Variants in ADAMTSL4 observed in about 807,000 individuals in gnomAD.
ADAMTSL4 encodes ADAMTS-like protein 4.
In ADAMTSL4, 97 loss-of-function variants were observed where a neutral mutation model predicts 122.8. That is an observed-to-expected ratio of 0.79 (90% CI 0.67 to 0.93). The LOEUF (loss-of-function observed/expected upper bound fraction) is 0.93. Among genes scored for constraint, ADAMTSL4 ranks in the 40% least tolerant of loss-of-function variants. The pLI is 0.00. For missense variants in ADAMTSL4, 1,408 were observed against 1,453.5 expected, an observed-to-expected ratio of 0.97 and a Z score of 0.51; for synonymous variants, 592 against 568.0, an observed-to-expected ratio of 1.04 and a Z score of -0.60.
chr1:150,560,334 G>A lies in ADAMTSL4; in HGVS notation c.*138G>A. Reference sequence around the variant, plus strand: ...TCCAGGTGACAGAGGGTGGCAAGGTGACTGACACAAAGTGACTTTCAGGGC... The same window carrying A: ...TCCAGGTGACAGAGGGTGGCAAGGTAACTGACACAAAGTGACTTTCAGGGC... On this transcript the variant is annotated 3_prime_UTR_variant, in exon 19 of 19. Coordinates refer to ENST00000271643, the MANE Select transcript of ADAMTSL4 (RefSeq NM_019032.6). The A allele has an allele frequency of 7.3e-7, 1 of 1,369,596 alleles. No individual in the cohort carries two copies. Among genetic ancestry groups the A allele is most frequent in the Non-Finnish European group, 9.9e-7 (1 of 1,011,596 alleles). 84.8% of individuals were successfully genotyped at this position (1,369,596 alleles called of 1,614,324 possible). A position where few individuals can be genotyped will look rare whatever the true frequency, so the allele number is the denominator to read the frequency against.
At chr1:150,555,882 C>T (rs587658273) in intron 8 of ADAMTSL4, 3 of 604,194 alleles carry the variant, frequency 5.0e-6, no homozygotes, top group East Asian at 5.6e-5. Flanking sequence ...CACACATGCA[C>T]ACACACGTAT....
Position 150,558,157 on chromosome 1 carries a change from T to C in ADAMTSL4, c.2382+8T>C. ...GGCTCTCCTTGGAGCCAGGTGAGTTTGCCCAGGCAAGGAGGTGCTGGGGAG... is the reference window on the plus strand; with the variant it reads ...GGCTCTCCTTGGAGCCAGGTGAGTTCGCCCAGGCAAGGAGGTGCTGGGGAG... On this transcript the variant is annotated splice_region_variant and intron_variant, in intron 14 of 18. Coordinates refer to ENST00000271643, the MANE Select transcript of ADAMTSL4 (RefSeq NM_019032.6). 1 of 1,613,314 alleles carries C rather than the reference T, an allele frequency of 6.2e-7. No homozygotes were observed. Among genetic ancestry groups the C allele is most frequent in the Non-Finnish European group, 8.5e-7 (1 of 1,179,968 alleles).
Position 150,560,176 on chromosome 1 carries a change from T to C in ADAMTSL4, c.3205T>C (p.Ser1069Pro), listed in dbSNP as rs746901103. 1.2e-6 allele frequency: 2 copies of C among 1,613,988 alleles called. No individual in the cohort carries two copies. The highest frequency in any genetic ancestry group is 2.2e-5 in the South Asian group (2 of 91,080). Reference protein sequence around the residue: ...CRSCAHVLERSPQDPS With the variant: ...CRSCAHVLERPPQDPS The stretch of plus-strand genomic sequence containing the variant: ...CTCTTGCGCACATGTCCTGGAGCGG[T>C]CTCCCCAGGATCCCTCCTGAAAGGG... Residue 1069 changes from serine (S) to proline (P), a missense_variant, in exon 19 of 19, where the codon TCT becomes CCT. Transcript: ENST00000271643.
Position 150,556,850 on chromosome 1 carries a change from C to A in ADAMTSL4, c.1749+57C>A. 3 of 1,494,658 alleles carry A rather than the reference C, an allele frequency of 2.0e-6. No individual in the cohort carries two copies. Among genetic ancestry groups the A allele is most frequent in the Non-Finnish European group, 2.8e-6 (3 of 1,075,752 alleles). 92.6% of individuals were successfully genotyped at this position (1,494,658 alleles called of 1,614,324 possible). A position where few individuals can be genotyped will look rare whatever the true frequency, so the allele number is the denominator to read the frequency against. On this transcript the variant is annotated intron_variant, in intron 10 of 18. Coordinates refer to ENST00000271643, the MANE Select transcript of ADAMTSL4 (RefSeq NM_019032.6). This position sits in a 1 kb window ranked among gnomAD's most constrained non-coding sequence, Gnocchi z 4.1. ...GGGGAGGGAGGCTGTTCCCTCTGGG[C>A]AGAGCTGTGGTTGTCAAGATGGGAG...
Position 150,553,031 on chromosome 1 carries a change from G to A in ADAMTSL4, c.212G>A (p.Cys71Tyr). The A allele has an allele frequency of 1.2e-6, 2 of 1,613,362 alleles. No individual in the cohort carries two copies. Among genetic ancestry groups the A allele is most frequent in the Non-Finnish European group, 8.5e-7 (1 of 1,179,900 alleles). Residue 71 changes from cysteine (C) to tyrosine (Y), a missense_variant, in exon 5 of 19, where the codon TGT becomes TAT. Cys to Tyr is a radical substitution (Grantham distance 194, BLOSUM62 -2). Transcript: ENST00000271643. The stretch of plus-strand genomic sequence containing the variant: ...GGGGTGCAGCGCAGGAGCCGGACAT[G>A]TCAGCTCCCTACAGTGCAGCTCCAC... ...GVGVQRRSRT[C>Y]QLPTVQLHPS...
chr1:150,557,821 G>A (rs1294451734), intron 13 of ADAMTSL4, 124 bp from the exon 14 acceptor site: 7 of 1,389,518 alleles, frequency 5.0e-6, no homozygotes, highest in African/African-American at 2.9e-5. Flanking sequence ...GACTCCAAAC[G>A]CCAAACGTGC....
chr1:150,557,086 G>T lies in ADAMTSL4; in HGVS notation c.1861+36G>T, dbSNP rs1032671638. 1.9e-6 allele frequency: 3 copies of T among 1,612,908 alleles called. No individual in the cohort carries two copies. The Admixed American group carries it at 5.0e-5, about 27-fold the overall frequency. ...GACCCCTGCACTTGGAAGGAGGAGG[G>T]AGAGGCTGCAGGGCTGGCTCGGGGC... On this transcript the variant is annotated intron_variant, in intron 11 of 18. Coordinates refer to ENST00000271643, the MANE Select transcript of ADAMTSL4 (RefSeq NM_019032.6).
In ADAMTSL4 at chr1:150,556,694, C is replaced by A; in HGVS notation, c.1650C>A (p.Ala550=). Residue 550 remains alanine, a synonymous_variant, in exon 10 of 19, where the codon GCC becomes GCA. Coordinates refer to ENST00000271643, the MANE Select transcript of ADAMTSL4 (RefSeq NM_019032.6). The surrounding 1 kb of genome is among the most constrained non-coding windows in gnomAD (Gnocchi z 4.1). The stretch of plus-strand genomic sequence containing the variant: ...TGGATCCCCCTGGGTCCTACAGGGC[C>A]GGCGGGACCGTCTTTCGATATAACC... ...WAVDPPGSYR[A]GGTVFRYNRP... 1 of 1,613,972 alleles carries A rather than the reference C, an allele frequency of 6.2e-7. No individual in the cohort carries two copies. The highest frequency in any genetic ancestry group is 8.5e-7 in the Non-Finnish European group (1 of 1,179,984).
rs1672096945 is a variant in ADAMTSL4 at position 150,556,226 on chromosome 1, G to A, written c.1436G>A (p.Gly479Asp). ...CCTGATGGCTGTGGAGTCTGTGGGGGTGATGATTCTACCTGTCGCCTTGTT... is the reference window on the plus strand; with the variant it reads ...CCTGATGGCTGTGGAGTCTGTGGGGATGATGATTCTACCTGTCGCCTTGTT... The part of the protein sequence containing the change: ...RRPDGCGVCG[G>D]DDSTCRLVSG... Residue 479 changes from glycine (G) to aspartate (D), a missense_variant, in exon 9 of 19, where the codon GGT becomes GAT. Gly to Asp is a moderately conservative substitution (Grantham distance 94). Transcript: ENST00000271643. The surrounding 1 kb of genome is among the most constrained non-coding windows in gnomAD (Gnocchi z 4.1). 2 of 1,614,220 alleles carry A rather than the reference G, an allele frequency of 1.2e-6. No individual in the cohort carries two copies. Among genetic ancestry groups the A allele is most frequent in the Non-Finnish European group, 1.7e-6 (2 of 1,180,044 alleles).
chr1:150,558,482 C>T lies in ADAMTSL4; in HGVS notation c.2392C>T (p.Arg798Trp), dbSNP rs763279620. The part of the protein sequence containing the change: ...VGSPWSQCSV[R>W]CGRGQRSRQV... ...CCCCTCGCCCCCTCAGTGCTCCGTG[C>T]GGTGCGGCCGGGGCCAGAGAAGCCG... Residue 798 changes from arginine to tryptophan, a missense_variant, in exon 15 of 19, where the codon CGG becomes TGG. By Grantham distance (101) the Arg-to-Trp change is moderately radical. Transcript: ENST00000271643. 185 of 1,613,442 alleles carry T rather than the reference C, an allele frequency of 1.1e-4. No individual in the cohort carries two copies. The Middle Eastern group carries it at 2.3e-3, about 20-fold the overall frequency.
rs1286378731 is a variant in ADAMTSL4, at chr1:150,554,469, T to C, written c.1234+2T>C. ...ATCAGTGGGAGCCCTTCACTGAAGG[T>C]GAGGTTTCTTGCTCACCCCTGGGCA... On this transcript the variant is annotated splice_donor_variant, in intron 7 of 18. Coordinates refer to ENST00000271643, the MANE Select transcript of ADAMTSL4 (RefSeq NM_019032.6). LOFTEE classifies it high-confidence loss of function. The surrounding 1 kb of genome is among the most constrained non-coding windows in gnomAD (Gnocchi z 4.0). The C allele has an allele frequency of 6.2e-7, 1 of 1,613,882 alleles. No homozygotes were observed. The highest frequency in any genetic ancestry group is 8.5e-7 in the Non-Finnish European group (1 of 1,179,922).
At position 150,554,358 on chromosome 1, in the gene ADAMTSL4, A is replaced by G. The variant is rs745659924; in HGVS notation, c.1132-7A>G. 1.2e-6 allele frequency: 2 copies of G among 1,610,858 alleles called. No individual in the cohort carries two copies. The highest frequency in any genetic ancestry group is 1.3e-5 in the African/African-American group (1 of 74,440). On this transcript the variant is annotated splice_polypyrimidine_tract_variant and splice_region_variant and intron_variant, in intron 6 of 18. Transcript: ENST00000271643. The surrounding 1 kb of genome is among the most constrained non-coding windows in gnomAD (Gnocchi z 4.0). ...CAGCTCTGACTCCTTTGTACCCCTCACCGCAGCCCTGCCCCCCTGAGCAGC... is the reference window on the plus strand; with the variant it reads ...CAGCTCTGACTCCTTTGTACCCCTCGCCGCAGCCCTGCCCCCCTGAGCAGC...
intron 2 of ADAMTSL4, chr1:150,550,109 G>C (rs1671243212): frequency 7.3e-6 from 3 of 408,368 alleles, no homozygotes; most frequent in South Asian, 5.3e-5. Flanking sequence ...TGAGCCCTGC[G>C]CAGGTCTCTG....
chr1:150,555,052 C>T (rs1007318345), intron 7 of ADAMTSL4, among the ~76,000 whole-genome samples: 7 of 150,930 alleles, frequency 4.6e-5, no homozygotes, highest in African/African-American at 1.5e-4. Flanking sequence ...TACAGTGGCA[C>T]GATCTCAGCT....
intron 2 of ADAMTSL4, chr1:150,550,995 T>A (rs1353708096): frequency 2.2e-6 from 1 of 455,962 alleles, no homozygotes; most frequent in African/African-American, 2.0e-5. Flanking sequence ...GAAACAGATT[T>A]TTTTTTTCCT....
chr1:150,553,658 AC>A lies in ADAMTSL4; in HGVS notation c.671del (p.Pro224HisfsTer8). 1 of 1,612,644 alleles carries A rather than the reference AC, an allele frequency of 6.2e-7. No individual in the cohort carries two copies. The highest frequency in any genetic ancestry group is 8.5e-7 in the Non-Finnish European group (1 of 1,179,668). ...CCCTCCCACAGAACTGTCTGTCCACACCCCATCCCCCCAAGCAGAACCTCTA... is the reference window on the plus strand; with the variant it reads ...CCCTCCCACAGAACTGTCTGTCCACACCCATCCCCCCAAGCAGAACCTCTA... ...ELPPTELSVH[T>X]PSPQAEPLSP... On this transcript the variant is annotated frameshift_variant, in exon 6 of 19. Transcript: ENST00000271643. LOFTEE classifies it high-confidence loss of function.
In ADAMTSL4 at chr1:150,552,709, C is replaced by A; in HGVS notation, c.78+109C>A. The A allele has an allele frequency of 1.4e-6, 2 of 1,435,018 alleles. No individual in the cohort carries two copies. 88.9% of individuals were successfully genotyped at this position (1,435,018 alleles called of 1,614,324 possible). On this transcript the variant is annotated intron_variant, in intron 4 of 18. Transcript: ENST00000271643. This position sits in a 1 kb window ranked among gnomAD's most constrained non-coding sequence, Gnocchi z 4.0. ...ACGCCTCCATTCCCCACAGCCCACC[C>A]ACCTCCCCTGCCAACTCCCCAGTTC...
chr1:150,552,235 A>G lies in ADAMTSL4; in HGVS notation c.-54A>G. On this transcript the variant is annotated 5_prime_UTR_variant, in exon 3 of 19. An upstream open reading frame in the 5' UTR loses its in-frame stop. Transcript: ENST00000271643. The surrounding 1 kb of genome is among the most constrained non-coding windows in gnomAD (Gnocchi z 4.0). ...ACCCTCCACGCCCAGATGCCTGCGTAGTTTTTGTGACCAGTCCGCTCCTGC... is the reference window on the plus strand; with the variant it reads ...ACCCTCCACGCCCAGATGCCTGCGTGGTTTTTGTGACCAGTCCGCTCCTGC... The G allele has an allele frequency of 6.5e-6, 10 of 1,538,828 alleles. No homozygotes were observed. The highest frequency in any genetic ancestry group is 8.8e-6 in the Non-Finnish European group (10 of 1,136,706).
rs148110558 is a variant in ADAMTSL4, at chr1:150,559,406, C to G, written c.2883C>G (p.Ala961=). ...SNCSHLPRPP[A]LQPCQGQACQ... ...GTTCTCACCTCCCCAGGCCCCCTGC[C>G]CTGCAGCCCTGTCAAGGGCAGGCCT... is the stretch of plus-strand genomic sequence containing the variant. The change falls in exon 17 of 19, where the codon GCC becomes GCG. Residue 961 remains alanine (A), a synonymous_variant. Transcript: ENST00000271643. The surrounding 1 kb of genome is among the most constrained non-coding windows in gnomAD (Gnocchi z 4.1). 808 of 1,613,604 alleles carry G rather than the reference C, an allele frequency of 5.0e-4. 4 individuals carry two copies. In the Middle Eastern group the frequency reaches 5.9e-3, roughly 12 times the overall value.
Sources: allele counts gnomAD v4.1 joint callset (sites outside exome capture counted in the v4.1 genomes callset), GRCh38; gene constraint gnomAD v4.1.1; non-coding constraint Gnocchi (gnomAD v3.1); transcripts MANE v1.5; gene names NCBI Gene and HGNC (gene_info 2026-07-23, HGNC 2026-07-21).